CLSTN2: variants seen among roughly 807,000 people sequenced by gnomAD.
CLSTN2 encodes calsyntenin 2.
CLSTN2 carries 48 observed loss-of-function variants against 101.2 expected under a neutral mutation model. The ratio of observed to expected loss-of-function variants is 0.47; its 90% confidence interval spans 0.38 to 0.60. CLSTN2 has a LOEUF of 0.60. Ranked by LOEUF, CLSTN2 falls within the 20% of genes least tolerant of loss-of-function variation. The pLI is 0.00. For synonymous variants in CLSTN2, 481 were observed against 463.6 expected (o/e 1.04, Z -0.48); for missense variants, 1,160 against 1,238.2 (o/e 0.94, Z 0.95).
At chr3:139,983,566 T>C (rs1402759323) in intron 1 of CLSTN2, among the ~76,000 whole-genome samples, 2 of 152,158 alleles carry the variant, frequency 1.3e-5, no homozygotes, top group Non-Finnish European at 2.9e-5. Flanking sequence ...TTCATAGTAA[T>C]AACACTGCTG....
chr3:140,381,579 T>A lies in CLSTN2; in HGVS notation c.233-22050T>A, dbSNP rs182981753. On this transcript the variant is annotated intron_variant, in intron 2 of 16. Coordinates refer to ENST00000458420, the MANE Select transcript of CLSTN2 (RefSeq NM_022131.3). ...CATGATACTTGACTTATCATAAATG[T>A]GAGTTCTCATTGTTCCACTTACTGG... Among the ~76,000 whole-genome samples the A allele has an allele frequency of 3.0e-4, 46 of 152,376 alleles. 1 individual carries two copies. Among genetic ancestry groups the A allele is most frequent in the Admixed American group, 9.1e-4 (14 of 15,310 alleles).
intron 1 of CLSTN2, among the ~76,000 whole-genome samples, chr3:140,158,394 A>T (rs75349641): frequency 6.7e-6 from 1 of 150,260 alleles, no homozygotes; most frequent in African/African-American, 2.5e-5. Flanking sequence ...GAATTTCCAT[A>T]TACCAATAAC....
At chr3:140,064,071 A>G (rs1305507674) in intron 1 of CLSTN2, among the ~76,000 whole-genome samples, 2 of 152,176 alleles carry the variant, frequency 1.3e-5, no homozygotes, top group Admixed American at 1.3e-4. Flanking sequence ...CCCGGTGAGC[A>G]AGCGTGAACA....
intron 1 of CLSTN2, among the ~76,000 whole-genome samples, chr3:139,943,340 C>A (rs1935165125): frequency 6.6e-6 from 1 of 152,090 alleles, no homozygotes; most frequent in Non-Finnish European, 1.5e-5. Context: ...TAATTTTGAC[C>A]CCCTCTCCAA....
chr3:139,960,362 T>C (rs534148754), intron 1 of CLSTN2, among the ~76,000 whole-genome samples: 1 of 152,296 alleles, frequency 6.6e-6, no homozygotes, highest in South Asian at 2.1e-4. Flanking sequence ...TTGAGATGTC[T>C]CCTCACTATA....
At chr3:139,962,819 A>T (rs1935534624) in intron 1 of CLSTN2, among the ~76,000 whole-genome samples, 1 of 152,080 alleles carries the variant, frequency 6.6e-6, no homozygotes, top group Admixed American at 6.6e-5. Context: ...GAGTGTCTTC[A>T]GTTTTTGGTT....
At chr3:140,365,945 G>A (rs531042047) in intron 2 of CLSTN2, among the ~76,000 whole-genome samples, 33 of 152,160 alleles carry the variant, frequency 2.2e-4, no homozygotes, top group South Asian at 4.1e-4. Flanking sequence ...GGGGGACCAC[G>A]CTCCAGGGCG....
chr3:140,309,725 A>T (rs2087146999), intron 2 of CLSTN2, among the ~76,000 whole-genome samples: 1 of 151,990 alleles, frequency 6.6e-6, no homozygotes, highest in East Asian at 1.9e-4. Context: ...ACCAGAAATT[A>T]TTCCCCCGTG....
intron 1 of CLSTN2, among the ~76,000 whole-genome samples, chr3:140,158,576 C>G (rs1428599589): frequency 6.6e-6 from 1 of 152,124 alleles, no homozygotes; most frequent in African/African-American, 2.4e-5. Context: ...ATTCCATGCT[C>G]ATGGATTGGG....
chr3:140,003,691 A>G (rs1411675731), intron 1 of CLSTN2, among the ~76,000 whole-genome samples: 2 of 152,114 alleles, frequency 1.3e-5, no homozygotes. Flanking sequence ...TATTATGTTG[A>G]GGTATGTTTC....
chr3:140,494,188 T>C (rs1254463065), intron 8 of CLSTN2, among the ~76,000 whole-genome samples: 4 of 152,202 alleles, frequency 2.6e-5, no homozygotes, highest in Non-Finnish European at 5.9e-5. Context: ...AACTCTGTCA[T>C]CATACATTCA....
At chr3:140,085,948 A>G (rs2008673872) in intron 1 of CLSTN2, among the ~76,000 whole-genome samples, 1 of 151,998 alleles carries the variant, frequency 6.6e-6, no homozygotes, top group Admixed American at 6.6e-5. Flanking sequence ...ACTTGGGGCA[A>G]CTCCTGGAGA....
At position 140,047,980 on chromosome 3, in the gene CLSTN2, A is replaced by G. The variant is rs1302880787; in HGVS notation, c.109+112497A>G. Among the ~76,000 whole-genome samples, 4 of 152,246 alleles carry G rather than the reference A, an allele frequency of 2.6e-5. No individual in the cohort carries two copies. In the East Asian group the frequency reaches 7.7e-4, roughly 29 times the overall value. On this transcript the variant is annotated intron_variant, in intron 1 of 16. Transcript: ENST00000458420. Reference sequence around the variant, plus strand: ...GGGAAATGATCATTACTTGCCTTAAATAATGACACAAGGAAATAAATGCAT... The same window carrying G: ...GGGAAATGATCATTACTTGCCTTAAGTAATGACACAAGGAAATAAATGCAT...
At chr3:140,014,478 A>C (rs976011297) in intron 1 of CLSTN2, among the ~76,000 whole-genome samples, 2 of 152,126 alleles carry the variant, frequency 1.3e-5, no homozygotes, top group African/African-American at 4.8e-5. Flanking sequence ...CTTGGCCTCC[A>C]AAATTGTTGA....
At chr3:140,344,481 A>T (rs1357657024) in intron 2 of CLSTN2, among the ~76,000 whole-genome samples, 1 of 152,166 alleles carries the variant, frequency 6.6e-6, no homozygotes, top group East Asian at 1.9e-4. Context: ...CTGAAGAGTA[A>T]TCTAATCTAT....
At chr3:140,523,634 T>C (rs1224824900) in intron 8 of CLSTN2, among the ~76,000 whole-genome samples, 1 of 152,184 alleles carries the variant, frequency 6.6e-6, no homozygotes, top group Non-Finnish European at 1.5e-5. Flanking sequence ...ACTATTATTA[T>C]CCTCACTTCA....
intron 8 of CLSTN2, among the ~76,000 whole-genome samples, chr3:140,481,707 G>A (rs1228342543): frequency 3.9e-5 from 6 of 152,126 alleles, no homozygotes. Flanking sequence ...TCTCTTTGAA[G>A]CAATTGTGAA....
intron 8 of CLSTN2, among the ~76,000 whole-genome samples, chr3:140,513,583 CTTTTTT>C (rs55778787): frequency 1.1e-4 from 13 of 117,758 alleles, no homozygotes; most frequent in Admixed American, 5.6e-4. Flanking sequence ...TTTTTTCTTT[CTTTTTT>C]TTTTTTTTTT....
chr3:140,234,338 C>A (rs890656267), intron 2 of CLSTN2, among the ~76,000 whole-genome samples: 2 of 152,130 alleles, frequency 1.3e-5, no homozygotes, highest in African/African-American at 4.8e-5. Context: ...AGTTCCCAGG[C>A]CATTGAGGGT....
Sources: allele counts gnomAD v4.1 joint callset (sites outside exome capture counted in the v4.1 genomes callset), GRCh38; gene constraint gnomAD v4.1.1; transcripts MANE v1.5; gene names NCBI Gene and HGNC (gene_info 2026-07-23, HGNC 2026-07-21).